The following IPO11 variants were observed in gnomAD, a reference collection of about 807,000 sequenced individuals.
IPO11 encodes the protein importin-11.
IPO11 carries 66 observed loss-of-function variants against 143.2 expected under a neutral mutation model. The ratio of observed to expected loss-of-function variants is 0.46; its 90% CI spans 0.38 to 0.57. The LOEUF is 0.57. Among genes scored for constraint, IPO11 ranks in the 20% least tolerant of loss-of-function variants. The probability of loss-of-function intolerance (pLI) is 0.00; values close to 1 mark genes in which losing one functional copy is unlikely to be tolerated. For missense variants in IPO11, 1,026 were observed against 1,141.0 expected, an observed-to-expected ratio of 0.90 and a Z score of 1.45; for synonymous variants, 385 against 377.8, an observed-to-expected ratio of 1.02 and a Z score of -0.22.
At chr5:62,470,334 G>A in intron 7 of IPO11, 26 bp downstream of exon 7, 2 of 1,604,328 alleles carry the variant, frequency 1.2e-6, no homozygotes, top group Middle Eastern at 3.3e-4. Flanking sequence ...AATTTGCTGT[G>A]ACTTTGGGAA....
chr5:62,446,680 T>G (rs1744731394), intron 3 of IPO11, among the ~76,000 whole-genome samples: 1 of 152,128 alleles, frequency 6.6e-6, no homozygotes. Flanking sequence ...ACAAATATCT[T>G]CTCCTAGGCC....
intron 29 of IPO11, among the ~76,000 whole-genome samples, chr5:62,609,261 A>G (rs1324013913): frequency 1.3e-5 from 2 of 152,234 alleles, no homozygotes; most frequent in Non-Finnish European, 2.9e-5. Flanking sequence ...ATGAGAGGCT[A>G]AAGGGTGTTC....
chr5:62,604,230 A>G (rs113550996), intron 29 of IPO11, among the ~76,000 whole-genome samples: 14,298 of 152,198 alleles, frequency 0.094, 684 homozygotes, highest in South Asian at 0.15. Context: ...TTGTTTTGCA[A>G]TGGAGTCTCG....
intron 19 of IPO11, among the ~76,000 whole-genome samples, chr5:62,514,220 C>T (rs1005284896): frequency 6.6e-6 from 1 of 152,076 alleles, no homozygotes; most frequent in African/African-American, 2.4e-5. Flanking sequence ...AATCTCTGCA[C>T]TTTGGGGGGC....
At chr5:62,552,666 G>T (rs139199517) in intron 26 of IPO11, among the ~76,000 whole-genome samples, 1 of 152,038 alleles carries the variant, frequency 6.6e-6, no homozygotes, top group East Asian at 1.9e-4. Flanking sequence ...CCATTACTAT[G>T]TATTTACTTT....
chr5:62,610,319 C>T (rs1266457124), intron 29 of IPO11, among the ~76,000 whole-genome samples: 1 of 152,030 alleles, frequency 6.6e-6, no homozygotes, highest in South Asian at 2.1e-4. Context: ...ACAAGATGAT[C>T]TTTACAAAGT....
intron 11 of IPO11, among the ~76,000 whole-genome samples, chr5:62,484,671 T>TA (rs969474982): frequency 3.1e-4 from 47 of 151,824 alleles, no homozygotes; most frequent in Admixed American, 9.8e-4. Context: ...ATGTGTCTAA[T>TA]AAAGTACTTA....
chr5:62,517,837 G>A (rs1742078259), intron 20 of IPO11, among the ~76,000 whole-genome samples: 1 of 152,230 alleles, frequency 6.6e-6, no homozygotes, highest in Non-Finnish European at 1.5e-5. Flanking sequence ...GGAATGTTAG[G>A]CCTTTTTTCT....
At chr5:62,509,300 A>G (rs966091424) in intron 19 of IPO11, among the ~76,000 whole-genome samples, 2 of 152,226 alleles carry the variant, frequency 1.3e-5, no homozygotes, top group Admixed American at 6.5e-5. Context: ...TTTATCTAAA[A>G]GATGAGGTGT....
At chr5:62,442,486 T>C (rs948944475) in intron 2 of IPO11, among the ~76,000 whole-genome samples, 4 of 152,202 alleles carry the variant, frequency 2.6e-5, no homozygotes, top group Admixed American at 6.5e-5. Flanking sequence ...GTACTTCTTA[T>C]ATGAATTGTA....
At chr5:62,596,172 G>A (rs947156686) in intron 28 of IPO11, among the ~76,000 whole-genome samples, 29 of 149,102 alleles carry the variant, frequency 1.9e-4, no homozygotes, top group African/African-American at 6.7e-4. Context: ...GGGAGGCTGA[G>A]GTGGGAAGAT....
chr5:62,516,095 G>A (rs145253313), intron 20 of IPO11, among the ~76,000 whole-genome samples: 8 of 152,316 alleles, frequency 5.3e-5, no homozygotes, highest in African/African-American at 1.7e-4. Context: ...GAATATATGT[G>A]TGGAGATGCT....
intron 16 of IPO11, among the ~76,000 whole-genome samples, chr5:62,499,992 G>A (rs1741294560): frequency 6.6e-6 from 1 of 152,088 alleles, no homozygotes; most frequent in Non-Finnish European, 1.5e-5. Flanking sequence ...TGATAACAAT[G>A]CCTTCTTCTG....
intron 21 of IPO11, among the ~76,000 whole-genome samples, chr5:62,530,508 A>C (rs1386349550): frequency 2.0e-5 from 3 of 152,220 alleles, no homozygotes; most frequent in Middle Eastern, 3.2e-3. Flanking sequence ...TTTGCTATGT[A>C]TGTAGAAATA....
chr5:62,465,085 T>C (rs1010927311), intron 5 of IPO11, among the ~76,000 whole-genome samples: 1 of 152,200 alleles, frequency 6.6e-6, no homozygotes, highest in Non-Finnish European at 1.5e-5. Flanking sequence ...ATAGATTTCA[T>C]TTTTGGGGAG....
At chr5:62,483,480 A>C in intron 10 of IPO11, 187 bp downstream of exon 10, 1 of 464,998 alleles carries the variant, frequency 2.2e-6, no homozygotes, top group Non-Finnish European at 3.7e-6. Context: ...AACATAGTGC[A>C]TTTAATAAGC....
chr5:62,526,105 A>T (rs955003051), intron 20 of IPO11, 37 bp from the exon 21 acceptor site: 1 of 1,344,212 alleles, frequency 7.4e-7, no homozygotes, highest in Non-Finnish European at 1.1e-6. Flanking sequence ...GGGACATTAG[A>T]GTGTCTTATT....
chr5:62,477,227 A>G (rs1020123500), intron 9 of IPO11, among the ~76,000 whole-genome samples: 2 of 152,246 alleles, frequency 1.3e-5, no homozygotes, highest in African/African-American at 4.8e-5. Flanking sequence ...TTTATAAAAC[A>G]TTAACTTTTA....
chr5:62,426,124 C>T (rs778348975), intron 1 of IPO11, among the ~76,000 whole-genome samples: 20 of 152,150 alleles, frequency 1.3e-4, no homozygotes, highest in Admixed American at 7.2e-4. Context: ...TGGTGGCTCA[C>T]GTCTGTAATC....
Sources: allele counts gnomAD v4.1 joint callset (sites outside exome capture counted in the v4.1 genomes callset), GRCh38; gene constraint gnomAD v4.1.1; transcripts MANE v1.5; gene names NCBI Gene and HGNC (gene_info 2026-07-23, HGNC 2026-07-21).